Variants in CHPF2 observed in about 807,000 individuals in gnomAD.
CHPF2 encodes chondroitin polymerizing factor 2.
A neutral mutation model predicts 63.0 loss-of-function variants in CHPF2; 58 were observed. That is an observed-to-expected ratio of 0.92 (90% CI 0.75 to 1.15). The LOEUF is 1.15. CHPF2 is among the 50% of genes most tolerant of loss of function. The pLI is 0.00. For missense variants in CHPF2, 1,045 were observed against 1,035.4 expected, an observed-to-expected ratio of 1.01 and a Z score of -0.13; for synonymous variants, 442 against 438.0, an observed-to-expected ratio of 1.01 and a Z score of -0.11.
chr7:151,237,257 T>C lies in CHPF2; in HGVS notation c.1012-117T>C, dbSNP rs1261808487. ...CAGTGATTAGCAAGGGACCCCTCAC[T>C]AAGTGTTGATGGAGTTAGGACAGAG... On this transcript the variant is annotated intron_variant, in intron 3 of 3. Transcript: ENST00000035307. The C allele has an allele frequency of 7.0e-6, 5 of 712,086 alleles. No individual in the cohort carries two copies. The East Asian group carries it at 1.3e-4, about 19-fold the overall frequency. The allele number at this position is 712,086 out of a possible 1,614,324, so 44.1% of individuals were successfully genotyped here. A position where few individuals can be genotyped will look rare whatever the true frequency, so the allele number is the denominator to read the frequency against.
chr7:151,232,899 A>AG lies in CHPF2; in HGVS notation c.-1112dup. ...TGGTCTCCCGAGCCCCCTTCTCAGC[A>AG]GCCCGGTGACGTGGCCAGTTTATTT... On this transcript the variant is annotated 5_prime_UTR_variant, in exon 1 of 4. An upstream open reading frame in the 5' UTR loses its in-frame stop. Coordinates refer to ENST00000035307, the MANE Select transcript of CHPF2 (RefSeq NM_019015.3). 2 of 1,371,326 alleles carry AG rather than the reference A, an allele frequency of 1.5e-6. No homozygotes were observed. Among genetic ancestry groups the AG allele is most frequent in the Non-Finnish European group, 1.9e-6 (2 of 1,066,688 alleles). The allele number at this position is 1,371,326 out of a possible 1,614,324, so 84.9% of individuals were successfully genotyped here. A position where few individuals can be genotyped will look rare whatever the true frequency, so the allele number is the denominator to read the frequency against.
rs1410499759 is a variant in CHPF2 at position 151,233,283 on chromosome 7, G to A, written c.-729G>A. 1.0e-6 allele frequency: 1 copy of A among 989,448 alleles called. No individual in the cohort carries two copies. The allele number at this position is 989,448 out of a possible 1,614,324, so 61.3% of individuals were successfully genotyped here. A position where few individuals can be genotyped will look rare whatever the true frequency, so the allele number is the denominator to read the frequency against. ...CCATGGCGCTCCTGAGAGGCTGTCA[G>A]TGCTGAGTCACCGATCTACCTCATT... On this transcript the variant is annotated 5_prime_UTR_variant, in exon 1 of 4. The change creates a new upstream start codon in the 5' untranslated region. Coordinates refer to ENST00000035307, the MANE Select transcript of CHPF2 (RefSeq NM_019015.3).
chr7:151,235,707 C>A, intron 2 of CHPF2, 95 bp downstream of exon 2: 1 of 1,233,736 alleles, frequency 8.1e-7, no homozygotes, highest in Non-Finnish European at 1.1e-6. Flanking sequence ...GGCCATTGTT[C>A]CCCCTTCCTG....
rs923983836 is a variant in CHPF2 at position 151,236,373 on chromosome 7, G to C, written c.829-35G>C. The stretch of plus-strand genomic sequence containing the variant: ...GGGCGGTTTGGGACTGGCAGCTCTT[G>C]TGTGTGTCATTGATTGGTCTGATTG... On this transcript the variant is annotated intron_variant, in intron 2 of 3. Transcript: ENST00000035307. 9 of 1,529,886 alleles carry C rather than the reference G, an allele frequency of 5.9e-6. No homozygotes were observed. The African/African-American group carries it at 9.7e-5, about 16-fold the overall frequency. 94.8% of individuals were successfully genotyped at this position (1,529,886 alleles called of 1,614,324 possible).
In CHPF2 at chr7:151,238,359, G is replaced by A. The variant is rs377619082; in HGVS notation, c.1997G>A (p.Arg666Gln). Reference protein sequence around the residue: ...RGAPIGGRFDRQASAEGCFYN... With the variant: ...RGAPIGGRFDQQASAEGCFYN... ...GCTCCTATAGGGGGGAGATTTGACC[G>A]GCAGGCTTCTGCGGAGGGCTGCTTC... Residue 666 changes from arginine (R) to glutamine (Q), a missense_variant, in exon 4 of 4, where the codon CGG becomes CAG. Arg to Gln is a conservative substitution (Grantham distance 43). Coordinates refer to ENST00000035307, the MANE Select transcript of CHPF2 (RefSeq NM_019015.3). The A allele has an allele frequency of 5.5e-5, 89 of 1,608,090 alleles. 1 individual carries two copies. Among genetic ancestry groups the A allele is most frequent in the South Asian group, 1.7e-4 (15 of 90,638 alleles).
rs1802605390 is a variant in CHPF2 at position 151,235,342 on chromosome 7, T to G, written c.558T>G (p.Tyr186Ter). The G allele has an allele frequency of 6.2e-7, 1 of 1,613,812 alleles. No individual in the cohort carries two copies. Among genetic ancestry groups the G allele is most frequent in the South Asian group, 1.1e-5 (1 of 91,088 alleles). Residue 186 changes from tyrosine (Y) to a stop codon, truncating the protein, a stop_gained, in exon 2 of 4, where the codon TAT becomes TAG. Transcript: ENST00000035307. LOFTEE classifies it high-confidence loss of function. ...TCTTCATCATGCAGGATGACACATA[T>G]GTGCAGGCCCCCCGCCTGGCAGCCC... The part of the protein sequence containing the change: ...DWFFIMQDDT[Y>*]VQAPRLAALA...
In CHPF2 at chr7:151,238,116, C is replaced by T. The variant is rs191957544; in HGVS notation, c.1754C>T (p.Pro585Leu). ...ATGGACGTGGTCTCGAAGAAGCACCCTGTGGACACTCTCTTCTTCCTTACC... is the reference window on the plus strand; with the variant it reads ...ATGGACGTGGTCTCGAAGAAGCACCTTGTGGACACTCTCTTCTTCCTTACC... ...RLMDVVSKKH[P>L]VDTLFFLTTV... The change falls in exon 4 of 4, where the codon CCT (proline) becomes CTT (leucine). Residue 585 changes from proline to leucine, a missense_variant. Physicochemically the swap from Pro to Leu is moderately conservative, Grantham distance 98. Coordinates refer to ENST00000035307, the MANE Select transcript of CHPF2 (RefSeq NM_019015.3). 36 of 1,612,390 alleles carry T rather than the reference C, an allele frequency of 2.2e-5. No homozygotes were observed. Among genetic ancestry groups the T allele is most frequent in the Non-Finnish European group, 3.0e-5 (35 of 1,180,030 alleles).
In CHPF2 at chr7:151,237,992, G is replaced by A. The variant is rs1326454098; in HGVS notation, c.1630G>A (p.Gly544Arg). The A allele has an allele frequency of 6.2e-7, 1 of 1,613,052 alleles. No homozygotes were observed. Among genetic ancestry groups the A allele is most frequent in the African/African-American group, 1.3e-5 (1 of 74,954 alleles). The change falls in exon 4 of 4, where the codon GGG becomes AGG. Residue 544 changes from glycine (G) to arginine (R), a missense_variant. Coordinates refer to ENST00000035307, the MANE Select transcript of CHPF2 (RefSeq NM_019015.3). Reference sequence around the variant, plus strand: ...CCGTGGAGCTCCAGACCCATTTCTTGGGGTGAAGGCTGCAGCAGCGGAGTT... The same window carrying A: ...CCGTGGAGCTCCAGACCCATTTCTTAGGGTGAAGGCTGCAGCAGCGGAGTT... ...GGRGAPDPFL[G>R]VKAAAAELER...
At position 151,233,684 on chromosome 7, in the gene CHPF2, TA is replaced by T; in HGVS notation, c.-327del. The T allele has an allele frequency of 9.3e-7, 1 of 1,069,886 alleles. No individual in the cohort carries two copies. The highest frequency in any genetic ancestry group is 1.1e-6 in the Non-Finnish European group (1 of 885,710). The allele number at this position is 1,069,886 out of a possible 1,614,324, so 66.3% of individuals were successfully genotyped here. On this transcript the variant is annotated 5_prime_UTR_variant, in exon 1 of 4. The change creates a premature stop within an existing upstream ORF in the 5' untranslated region. Transcript: ENST00000035307. ...TTCCTTTTTGGGTTAGCTTTGGCAG[TA>T]TTGAGTTTTACTTCCTCCTCTTTTT...
At chr7:151,236,335 T>TGA (rs1196463058) in intron 2 of CHPF2, 73 bp from the exon 3 acceptor site, 15 of 1,317,664 alleles carry the variant, frequency 1.1e-5, no homozygotes, top group Admixed American at 2.3e-5. Context: ...ATGTGAACAC[T>TGA]GAGTATGGTT....
In CHPF2 at chr7:151,232,737, C is replaced by T. The variant is rs1364347402; in HGVS notation, c.-1275C>T. The T allele has an allele frequency of 2.7e-6, 4 of 1,506,514 alleles. No homozygotes were observed. The highest frequency in any genetic ancestry group is 3.5e-6 in the Non-Finnish European group (4 of 1,134,124). 93.3% of individuals were successfully genotyped at this position (1,506,514 alleles called of 1,614,324 possible). A position where few individuals can be genotyped will look rare whatever the true frequency, so the allele number is the denominator to read the frequency against. ...CCTCCTCCCCGAGGGCCTTGGGCGT[C>T]CCTCCTGGTCCTGCGCTCGCGGCCT... On this transcript the variant is annotated 5_prime_UTR_variant, in exon 1 of 4. Coordinates refer to ENST00000035307, the MANE Select transcript of CHPF2 (RefSeq NM_019015.3).
In CHPF2 at chr7:151,237,836, G is replaced by A. The variant is rs769263733; in HGVS notation, c.1474G>A (p.Val492Met). 1.2e-6 allele frequency: 2 copies of A among 1,612,658 alleles called. No individual in the cohort carries two copies. The highest frequency in any genetic ancestry group is 1.7e-6 in the Non-Finnish European group (2 of 1,179,998). Reference sequence around the variant, plus strand: ...CACTGAGGCCACCCGAGTGCAGCTGGTGCTGCCACTCCTGGTGGCTGAAGC... The same window carrying A: ...CACTGAGGCCACCCGAGTGCAGCTGATGCTGCCACTCCTGGTGGCTGAAGC... ...YVTEATRVQL[V>M]LPLLVAEAAA... is the part of the protein sequence containing the mutation. Residue 492 changes from valine to methionine, a missense_variant, in exon 4 of 4, where the codon GTG becomes ATG. Coordinates refer to ENST00000035307, the MANE Select transcript of CHPF2 (RefSeq NM_019015.3).
intron 2 of CHPF2, 97 bp downstream of exon 2, chr7:151,235,709 C>T (rs999734986): frequency 1.1e-5 from 13 of 1,191,328 alleles, no homozygotes; most frequent in East Asian, 2.4e-5. Context: ...CCATTGTTCC[C>T]CCTTCCTGGC....
At position 151,235,611 on chromosome 7, in the gene CHPF2, A is replaced by G; in HGVS notation, c.827A>G (p.Gln276Arg). 6.2e-7 allele frequency: 1 copy of G among 1,601,322 alleles called. No homozygotes were observed. Among genetic ancestry groups the G allele is most frequent in the Non-Finnish European group, 8.5e-7 (1 of 1,174,910 alleles). The change falls in exon 2 of 4, where the codon CAG becomes CGG. Residue 276 changes from glutamine to arginine, a missense_variant and splice_region_variant. Gln to Arg is a conservative substitution (Grantham distance 43). Coordinates refer to ENST00000035307, the MANE Select transcript of CHPF2 (RefSeq NM_019015.3). Reference protein sequence around the residue: ...SLGVGCVSQHQGQQYRSFELA... With the variant: ...SLGVGCVSQHRGQQYRSFELA... ...GGCGTCGGCTGTGTCTCACAGCACC[A>G]GGTGACAGCTCTTTCAAGTCAGTCC... is the stretch of plus-strand genomic sequence containing the variant.
In CHPF2 at chr7:151,235,185, T is replaced by G. The variant is rs758101023; in HGVS notation, c.401T>G (p.Phe134Cys). The G allele has an allele frequency of 6.2e-7, 1 of 1,613,370 alleles. No homozygotes were observed. The highest frequency in any genetic ancestry group is 1.1e-5 in the South Asian group (1 of 91,034). The change falls in exon 2 of 4, where the codon TTC (phenylalanine) becomes TGC (cysteine). Residue 134 changes from phenylalanine (F) to cysteine (C), a missense_variant. By Grantham distance (205) the Phe-to-Cys change is radical. Transcript: ENST00000035307. ...VAHHFPRLLYFTGQRGARAPA... is the reference protein window; with the variant it reads ...VAHHFPRLLYCTGQRGARAPA... ...CATCACTTCCCTCGGTTACTCTACT[T>G]CACTGGGCAGCGGGGGGCCCGGGCT...
chr7:151,237,552 G>A lies in CHPF2; in HGVS notation c.1190G>A (p.Gly397Glu). 1 of 1,613,910 alleles carries A rather than the reference G, an allele frequency of 6.2e-7. No homozygotes were observed. The highest frequency in any genetic ancestry group is 8.5e-7 in the Non-Finnish European group (1 of 1,180,002). ...GGGGCTCCCAAGTGCCCACTACAGG[G>A]GGCTAGCAGGGCGGACGTGGGTGAT... Reference protein sequence around the residue: ...ADGAPKCPLQGASRADVGDAL... With the variant: ...ADGAPKCPLQEASRADVGDAL... The change falls in exon 4 of 4, where the codon GGG becomes GAG. Residue 397 changes from glycine to glutamate, a missense_variant. By Grantham distance (98) the Gly-to-Glu change is moderately conservative. Transcript: ENST00000035307.
In CHPF2 at chr7:151,234,189, C is replaced by G; in HGVS notation, c.178C>G (p.Arg60Gly). ...GGPQNPDSRA[R>G]LDQSDEDFKP... ...GCCACAGAATCCAGATTCCAGAGCT[C>G]GGCTAGACCAAAGTGATGAAGACTT... Residue 60 changes from arginine (R) to glycine (G), a missense_variant, in exon 1 of 4, where the codon CGG (arginine) becomes GGG (glycine). By Grantham distance (125) the Arg-to-Gly change is moderately radical. Coordinates refer to ENST00000035307, the MANE Select transcript of CHPF2 (RefSeq NM_019015.3). The G allele has an allele frequency of 6.2e-7, 1 of 1,613,664 alleles. No individual in the cohort carries two copies. Among genetic ancestry groups the G allele is most frequent in the Non-Finnish European group, 8.5e-7 (1 of 1,179,824 alleles).
Position 151,232,541 on chromosome 7 carries a change from C to A in CHPF2, c.-1471C>A. On this transcript the variant is annotated 5_prime_UTR_variant, in exon 1 of 4. Coordinates refer to ENST00000035307, the MANE Select transcript of CHPF2 (RefSeq NM_019015.3). ...AGCGGCTGCAGCGGCGGAGCCGGCG[C>A]CTCAGCGGGCACTGGGGTCTGTTCC... 1 of 511,408 alleles carries A rather than the reference C, an allele frequency of 2.0e-6. No homozygotes were observed. The highest frequency in any genetic ancestry group is 3.4e-6 in the Non-Finnish European group (1 of 292,712). The allele number at this position is 511,408 out of a possible 1,614,324, so 31.7% of individuals were successfully genotyped here.
At chr7:151,236,823 G>C (rs1802667354) in intron 3 of CHPF2, 1 of 606,398 alleles carries the variant, frequency 1.6e-6, no homozygotes, top group African/African-American at 1.8e-5. Context: ...CTTGAATGCA[G>C]CTAAAGGGGT....
Sources: allele counts gnomAD v4.1 joint callset, GRCh38; gene constraint gnomAD v4.1.1; transcripts MANE v1.5; gene names NCBI Gene and HGNC (gene_info 2026-07-23, HGNC 2026-07-21).